FAM117B: variants seen among roughly 807,000 people sequenced by gnomAD.
FAM117B encodes the protein protein FAM117B.
In FAM117B, 22 loss-of-function variants were observed where a neutral mutation model predicts 52.8. The ratio of observed to expected loss-of-function variants is 0.42; its 90% CI spans 0.30 to 0.59. FAM117B has a LOEUF of 0.59. Ranked by LOEUF, FAM117B falls within the 20% of genes least tolerant of loss-of-function variation. The probability of loss-of-function intolerance (pLI) is 0.22; values close to 1 mark genes in which losing one functional copy is unlikely to be tolerated. For missense variants in FAM117B, 678 were observed against 802.6 expected, an observed-to-expected ratio of 0.84 and a Z score of 1.88; for synonymous variants, 309 against 324.1, an observed-to-expected ratio of 0.95 and a Z score of 0.50.
intron 4 of FAM117B, among the ~76,000 whole-genome samples, chr2:202,729,207 G>T (rs542417720): frequency 3.1e-4 from 47 of 152,098 alleles, no homozygotes; most frequent in Non-Finnish European, 5.3e-4. Flanking sequence ...GCTGGCGGGT[G>T]CCTGTAACCC....
chr2:202,743,635 C>A (rs563097343), intron 4 of FAM117B, among the ~76,000 whole-genome samples: 1 of 146,928 alleles, frequency 6.8e-6, no homozygotes, highest in Non-Finnish European at 1.5e-5. Context: ...ACAAACAATA[C>A]AAAGAATCAG....
chr2:202,746,813 CAT>C (rs1220596709), intron 4 of FAM117B, among the ~76,000 whole-genome samples: 2 of 151,954 alleles, frequency 1.3e-5, no homozygotes, highest in East Asian at 3.9e-4. Flanking sequence ...TTTTAACAGA[CAT>C]AAAATAGAAC....
At chr2:202,696,101 C>G (rs1354769818) in intron 2 of FAM117B, 69 bp downstream of exon 2, 1 of 1,522,344 alleles carries the variant, frequency 6.6e-7, no homozygotes, top group African/African-American at 1.4e-5. Context: ...ATTATTTGTT[C>G]TGCTTTGAGT....
At chr2:202,714,972 T>C (rs1465409334) in intron 2 of FAM117B, among the ~76,000 whole-genome samples, 1 of 152,200 alleles carries the variant, frequency 6.6e-6, no homozygotes, top group Non-Finnish European at 1.5e-5. Context: ...TTCTCAGTCT[T>C]TTCCCCACCT....
At position 202,720,400 on chromosome 2, in the gene FAM117B, CGTGT is replaced by C. The variant is rs547237672; in HGVS notation, c.754-4493_754-4490del. On this transcript the variant is annotated intron_variant, in intron 2 of 7. Transcript: ENST00000392238. ...CATTAGTCATATTTGCTTTACCTGT[CGTGT>C]GTGTGTGTGTGTGTGTGTGTGTGCG... Among the ~76,000 whole-genome samples, 631 of 136,790 alleles carry C rather than the reference CGTGT, an allele frequency of 4.6e-3. 5 individuals carry two copies. The highest frequency in any genetic ancestry group is 0.013 in the African/African-American group (501 of 37,482). The allele number at this position is 136,790 out of a possible 152,430, so 89.7% of individuals were successfully genotyped here. A position where few individuals can be genotyped will look rare whatever the true frequency, so the allele number is the denominator to read the frequency against.
At chr2:202,657,203 T>G (rs1242212589) in intron 1 of FAM117B, among the ~76,000 whole-genome samples, 1 of 152,178 alleles carries the variant, frequency 6.6e-6, no homozygotes, top group Non-Finnish European at 1.5e-5. Flanking sequence ...TTCTTGTGCC[T>G]CAGCCTCCTG....
rs34556556 is a variant in FAM117B, at chr2:202,766,061, A to AACACACACAC, written c.*334_*343dup. On this transcript the variant is annotated 3_prime_UTR_variant, in exon 8 of 8. Transcript: ENST00000392238. ...TTGTTTTCGAATTAGACTTCTTTAA[A>AACACACACAC]ACACACACACACACACACACACACA... 7.2e-3 allele frequency: 1,456 copies of AACACACACAC among 203,066 alleles called. 12 individuals are homozygous for AACACACACAC. Among genetic ancestry groups the AACACACACAC allele is most frequent in the East Asian group, 0.011 (75 of 6,970 alleles). 12.6% of individuals were successfully genotyped at this position (203,066 alleles called of 1,614,324 possible).
intron 1 of FAM117B, among the ~76,000 whole-genome samples, chr2:202,669,037 C>T (rs1690252126): frequency 6.6e-6 from 1 of 152,106 alleles, no homozygotes; most frequent in Admixed American, 6.6e-5. Context: ...TAATATATGC[C>T]AAAAGTTCCT....
At chr2:202,661,097 G>A (rs968678434) in intron 1 of FAM117B, among the ~76,000 whole-genome samples, 1 of 152,208 alleles carries the variant, frequency 6.6e-6, no homozygotes, top group Non-Finnish European at 1.5e-5. Flanking sequence ...ACATATGGGA[G>A]GGGGAAAAAC....
At chr2:202,715,321 C>T (rs1351126503) in intron 2 of FAM117B, among the ~76,000 whole-genome samples, 11 of 151,926 alleles carry the variant, frequency 7.2e-5, no homozygotes, top group South Asian at 6.2e-4. Context: ...ACCTCCCTCC[C>T]GGACGGGGTG....
intron 1 of FAM117B, among the ~76,000 whole-genome samples, chr2:202,661,251 G>A (rs180799353): frequency 8.3e-4 from 126 of 152,300 alleles, no homozygotes; most frequent in Non-Finnish European, 1.3e-3. Flanking sequence ...AGATAGAAGT[G>A]TGTTAGTTCA....
intron 1 of FAM117B, among the ~76,000 whole-genome samples, chr2:202,668,284 T>G (rs943179201): frequency 6.8e-6 from 1 of 146,660 alleles, no homozygotes; most frequent in African/African-American, 2.5e-5. Context: ...TATTTATATA[T>G]TAAATGCGGT....
At chr2:202,736,768 A>C (rs1327830312) in intron 4 of FAM117B, among the ~76,000 whole-genome samples, 3 of 152,152 alleles carry the variant, frequency 2.0e-5, no homozygotes, top group Non-Finnish European at 4.4e-5. Flanking sequence ...GCTTTAGTCC[A>C]TCAATCAGCA....
chr2:202,740,822 C>T (rs1691521307), intron 4 of FAM117B, among the ~76,000 whole-genome samples: 1 of 151,928 alleles, frequency 6.6e-6, no homozygotes, highest in Non-Finnish European at 1.5e-5. Context: ...TTTAAAATTT[C>T]TCTAGTTACA....
At chr2:202,678,886 C>T (rs1176731647) in intron 1 of FAM117B, among the ~76,000 whole-genome samples, 1 of 152,108 alleles carries the variant, frequency 6.6e-6, no homozygotes, top group South Asian at 2.1e-4. Context: ...TAATGGCCAG[C>T]ATTTGCATAT....
chr2:202,668,899 G>A (rs1380205252), intron 1 of FAM117B, among the ~76,000 whole-genome samples: 2 of 152,028 alleles, frequency 1.3e-5, no homozygotes, highest in South Asian at 2.1e-4. Context: ...TGTCTGCTTC[G>A]TTTTGGGGAC....
chr2:202,755,781 T>C, intron 5 of FAM117B, 100 bp downstream of exon 5: 1 of 1,199,522 alleles, frequency 8.3e-7, no homozygotes, highest in South Asian at 2.0e-5. Flanking sequence ...TCCTTCTCAT[T>C]GAGAGAGCAA....
intron 1 of FAM117B, among the ~76,000 whole-genome samples, chr2:202,638,301 A>G (rs886849178): frequency 6.6e-6 from 1 of 152,228 alleles, no homozygotes; most frequent in African/African-American, 2.4e-5. Flanking sequence ...GAGGTGGCAG[A>G]AGGAGGCACA....
intron 2 of FAM117B, among the ~76,000 whole-genome samples, chr2:202,696,656 T>C (rs1375994285): frequency 6.6e-6 from 1 of 152,184 alleles, no homozygotes; most frequent in East Asian, 1.9e-4. Context: ...TTTCGGGAGA[T>C]GGGGACTGTA....
Sources: gnomAD v4.1 joint callset for allele counts (sites outside exome capture counted in the v4.1 genomes callset) on GRCh38, gnomAD v4.1.1 for gene constraint, MANE v1.5 for transcripts, NCBI Gene and HGNC (gene_info 2026-07-23, HGNC 2026-07-21) for gene names.